MACROD2: variants seen among roughly 807,000 people sequenced by gnomAD.
MACROD2 encodes ADP-ribose glycohydrolase MACROD2.
MACROD2 carries 36 observed loss-of-function variants against 70.4 expected under a neutral mutation model. That is an observed-to-expected ratio of 0.51 (90% CI 0.39 to 0.68). The LOEUF (loss-of-function observed/expected upper bound fraction) is 0.68. MACROD2 is among the 30% of genes least tolerant of loss of function. The pLI is 0.00. For missense variants in MACROD2, 496 were observed against 538.4 expected, an observed-to-expected ratio of 0.92 and a Z score of 0.78; for synonymous variants, 172 against 178.8, an observed-to-expected ratio of 0.96 and a Z score of 0.30.
At chr20:14,653,903 G>C (rs1219330405) in intron 4 of MACROD2, among the ~76,000 whole-genome samples, 1 of 152,102 alleles carries the variant, frequency 6.6e-6, no homozygotes, top group African/African-American at 2.4e-5. Context: ...CAGCAGAACT[G>C]ATGTCCAGTC....
chr20:14,797,336 A>T (rs1280891612), intron 5 of MACROD2, among the ~76,000 whole-genome samples: 1 of 152,018 alleles, frequency 6.6e-6, no homozygotes. Context: ...CTTTGGGATC[A>T]TGACCAAAAT....
chr20:13,995,824 G>A lies in MACROD2; in HGVS notation c.46+15G>A. The A allele has an allele frequency of 6.4e-7, 1 of 1,551,704 alleles. No individual in the cohort carries two copies. The highest frequency in any genetic ancestry group is 8.8e-7 in the Non-Finnish European group (1 of 1,139,174). ...AGAGGAGAAAGGTAACCGGCCCGTCGAGTCCTGGGGGTGCGGGCGGTGGGG... is the reference window on the plus strand; with the variant it reads ...AGAGGAGAAAGGTAACCGGCCCGTCAAGTCCTGGGGGTGCGGGCGGTGGGG... On this transcript the variant is annotated intron_variant, in intron 1 of 17. Transcript: ENST00000684519. This position sits in a 1 kb window ranked among gnomAD's most constrained non-coding sequence, Gnocchi z 4.3.
chr20:14,430,202 A>C (rs1448021563), intron 3 of MACROD2, among the ~76,000 whole-genome samples: 1 of 152,164 alleles, frequency 6.6e-6, no homozygotes, highest in African/African-American at 2.4e-5. Flanking sequence ...CAAGGAACTT[A>C]AAAGTCAGTC....
chr20:14,718,450 G>T (rs2071423853), intron 5 of MACROD2, among the ~76,000 whole-genome samples: 1 of 151,950 alleles, frequency 6.6e-6, no homozygotes, highest in African/African-American at 2.4e-5. Flanking sequence ...ACAGGTGGGG[G>T]TCTTTTAACT....
At chr20:15,196,106 G>A (rs975392276) in intron 5 of MACROD2, among the ~76,000 whole-genome samples, 2 of 152,162 alleles carry the variant, frequency 1.3e-5, no homozygotes, top group African/African-American at 4.8e-5. Context: ...GAGAGCATCA[G>A]GAGGAATAGC....
At chr20:14,722,563 A>G (rs974988116) in intron 5 of MACROD2, among the ~76,000 whole-genome samples, 2 of 152,194 alleles carry the variant, frequency 1.3e-5, no homozygotes, top group African/African-American at 2.4e-5. Context: ...TGCTTTTCAC[A>G]TAGTAAGCAG....
chr20:15,196,586 C>G (rs2076608277), intron 5 of MACROD2, among the ~76,000 whole-genome samples: 1 of 152,188 alleles, frequency 6.6e-6, no homozygotes, highest in African/African-American at 2.4e-5. Context: ...CGTCTGCATT[C>G]TAAGAGTTGT....
At chr20:15,534,318 G>A (rs2047844998) in intron 8 of MACROD2, among the ~76,000 whole-genome samples, 1 of 152,134 alleles carries the variant, frequency 6.6e-6, no homozygotes. Flanking sequence ...ATGTCTCTAT[G>A]TGCAAATTAA....
intron 6 of MACROD2, among the ~76,000 whole-genome samples, chr20:15,397,235 A>T (rs1229817210): frequency 6.6e-6 from 1 of 151,988 alleles, no homozygotes; most frequent in Non-Finnish European, 1.5e-5. Context: ...ATGTCCTTAC[A>T]TCTCATGTAT....
chr20:15,914,923 C>G (rs1050189829), intron 10 of MACROD2, among the ~76,000 whole-genome samples: 1 of 122,802 alleles, frequency 8.1e-6, no homozygotes, highest in African/African-American at 2.9e-5. Context: ...AATTTACTTA[C>G]TGCTACCAGT....
chr20:14,989,859 T>C (rs1389136018), intron 5 of MACROD2, among the ~76,000 whole-genome samples: 2 of 152,176 alleles, frequency 1.3e-5, no homozygotes, highest in East Asian at 3.9e-4. Flanking sequence ...CAACCGTTTC[T>C]TTTTGCTAGT....
chr20:14,925,784 G>A (rs933936516), intron 5 of MACROD2, among the ~76,000 whole-genome samples: 2 of 152,118 alleles, frequency 1.3e-5, no homozygotes, highest in Non-Finnish European at 2.9e-5. Context: ...ATTTGCATTC[G>A]AATTGGTACC....
At chr20:15,964,393 T>G (rs745306936) in intron 12 of MACROD2, among the ~76,000 whole-genome samples, 12 of 152,084 alleles carry the variant, frequency 7.9e-5, no homozygotes, top group Non-Finnish European at 1.6e-4. Context: ...TGTGTCCTCA[T>G]TTGGTGGAAA....
chr20:15,153,917 AT>A (rs2076288988), intron 5 of MACROD2, among the ~76,000 whole-genome samples: 1 of 152,182 alleles, frequency 6.6e-6, no homozygotes, highest in African/African-American at 2.4e-5. Flanking sequence ...CTTTGACAGA[AT>A]GTTCAAAGGA....
intron 4 of MACROD2, among the ~76,000 whole-genome samples, chr20:14,638,381 A>G (rs1341153039): frequency 6.6e-6 from 1 of 151,834 alleles, no homozygotes; most frequent in Admixed American, 6.6e-5. Context: ...TTCTGCTGCT[A>G]TCTAGTCTAC....
chr20:15,277,218 A>C (rs1288592205), intron 6 of MACROD2, among the ~76,000 whole-genome samples: 1 of 152,200 alleles, frequency 6.6e-6, no homozygotes, highest in Non-Finnish European at 1.5e-5. Flanking sequence ...GGTAGAAGAC[A>C]TACAGTTTCT....
chr20:14,512,100 A>C (rs961635996), intron 4 of MACROD2, among the ~76,000 whole-genome samples: 4 of 152,142 alleles, frequency 2.6e-5, no homozygotes, highest in African/African-American at 4.8e-5. Context: ...TTCAAAGTGC[A>C]TAGGCAGATG....
chr20:15,412,293 A>G (rs1035132580), intron 6 of MACROD2, among the ~76,000 whole-genome samples: 4 of 152,208 alleles, frequency 2.6e-5, no homozygotes, highest in Non-Finnish European at 5.9e-5. Flanking sequence ...ATTAAAAAAA[A>G]GAAAAAGAAA....
chr20:14,542,319 T>C (rs1288672152), intron 4 of MACROD2, among the ~76,000 whole-genome samples: 1 of 152,224 alleles, frequency 6.6e-6, no homozygotes, highest in African/African-American at 2.4e-5. Context: ...TTTACTGAAA[T>C]GGAGTTGAAA....
Sources: gnomAD v4.1 joint callset for allele counts (sites outside exome capture counted in the v4.1 genomes callset) on GRCh38, gnomAD v4.1.1 for gene constraint, Gnocchi (gnomAD v3.1) non-coding constraint, MANE v1.5 for transcripts, NCBI Gene and HGNC (gene_info 2026-07-23, HGNC 2026-07-21) for gene names.